The following ANO10 variants were observed in gnomAD, a reference collection of about 807,000 sequenced individuals.
ANO10 encodes the protein anoctamin-10.
In ANO10, 77 loss-of-function variants were observed where a neutral mutation model predicts 74.7. The ratio of observed to expected loss-of-function variants is 1.03; its 90% CI spans 0.86 to 1.25. The LOEUF is 1.25. Ranked by LOEUF, ANO10 falls within the 50% of genes most tolerant of loss-of-function variation. The pLI, the probability that ANO10 is intolerant of heterozygous loss-of-function variation, is 0.00. For synonymous variants in ANO10, 279 were observed against 284.9 expected, an observed-to-expected ratio of 0.98 and a Z score of 0.21; for missense variants, 721 against 778.1, an observed-to-expected ratio of 0.93 and a Z score of 0.87.
chr3:43,576,525 T>G, intron 6 of ANO10, among the ~76,000 whole-genome samples, 167 bp downstream of exon 6: 1 of 152,218 alleles, frequency 6.6e-6, no homozygotes, highest in East Asian at 1.9e-4. Flanking sequence ...AACCATGGCA[T>G]GGAGATCATC....
At chr3:43,388,522 G>A (rs2092190598) in intron 12 of ANO10, among the ~76,000 whole-genome samples, 1 of 152,126 alleles carries the variant, frequency 6.6e-6, no homozygotes, top group Non-Finnish European at 1.5e-5. Flanking sequence ...AAATATAACT[G>A]CAGCTAGTTT....
At chr3:43,647,511 A>T (rs952122895) in intron 1 of ANO10, among the ~76,000 whole-genome samples, 10 of 152,066 alleles carry the variant, frequency 6.6e-5, no homozygotes, top group African/African-American at 2.2e-4. Flanking sequence ...CCTTGGTGAG[A>T]GCAAATTCCT....
rs140076462 is a variant in ANO10, at chr3:43,657,929, T to C, written c.-12+33588A>G. On this transcript the variant is annotated intron_variant, in intron 1 of 3. Coordinates refer to the ANO10 transcript ENST00000413397. ...TCTCAAAAAGTTATATAGCCCTTAA[T>C]TCTTTCTTTTAAGATGTGTATTCCG... 8.7e-3 allele frequency among the ~76,000 whole-genome samples: 1,330 copies of C among 152,340 alleles called. 22 individuals carry two copies. Among genetic ancestry groups the C allele is most frequent in the African/African-American group, 0.03 (1,231 of 41,584 alleles).
At chr3:43,628,836 C>T (rs535619059) in intron 1 of ANO10, among the ~76,000 whole-genome samples, 11 of 152,080 alleles carry the variant, frequency 7.2e-5, no homozygotes, top group Non-Finnish European at 1.2e-4. Context: ...TTGGTCAGAC[C>T]GGTTGCTCTC....
In ANO10 at chr3:43,580,459, G is replaced by A. The variant is rs34829628; in HGVS notation, c.486C>T (p.Leu162=). The A allele has an allele frequency of 4.2e-3, 6,735 of 1,613,744 alleles. 224 individuals are homozygous for A. The African/African-American group carries it at 0.077, about 18-fold the overall frequency. Residue 162 remains leucine (L), a synonymous_variant, in exon 5 of 13, where the codon CTC becomes CTT. Coordinates refer to ENST00000292246, the MANE Select transcript of ANO10 (RefSeq NM_018075.5). ...YPGKSLLRRL[L]TSGIVIQVFP... ...ACACCTGAATCACGATGCCAGACGTGAGCAATCTTCTCACTGCACAGGGAA... is the reference window on the plus strand; with the variant it reads ...ACACCTGAATCACGATGCCAGACGTAAGCAATCTTCTCACTGCACAGGGAA...
At chr3:43,616,355 C>CT (rs1472859546) in intron 1 of ANO10, among the ~76,000 whole-genome samples, 1 of 152,200 alleles carries the variant, frequency 6.6e-6, no homozygotes, top group Non-Finnish European at 1.5e-5. Context: ...AGAAGACAAC[C>CT]TTTTGTTTTT....
chr3:43,433,800 C>G (rs537787156), intron 11 of ANO10, among the ~76,000 whole-genome samples: 1 of 152,184 alleles, frequency 6.6e-6, no homozygotes, highest in South Asian at 2.1e-4. Flanking sequence ...GAATCAACAC[C>G]CACAGAAATC....
rs544238755 is a variant in ANO10 at position 43,606,879 on chromosome 3, C to T, written c.-11-1016G>A. On this transcript the variant is annotated intron_variant, in intron 1 of 12. Transcript: ENST00000292246. ...AACTCTTCTGCTGAAGACAACTAGA[C>T]AATATACACCCACACTCACATACAT... Among the ~76,000 whole-genome samples, 11 of 152,272 alleles carry T rather than the reference C, an allele frequency of 7.2e-5. No homozygotes were observed. The South Asian group carries it at 2.3e-3, about 32-fold the overall frequency.
chr3:43,567,469 A>G lies in ANO10; in HGVS notation c.1219-1742T>C, dbSNP rs1199515939. On this transcript the variant is annotated intron_variant, in intron 7 of 12. Transcript: ENST00000292246. ...TTACCCTTAAAGGGAAGCCCATCAGACTAACAGCAGATCTCTCGGCAGAAA... is the reference window on the plus strand; with the variant it reads ...TTACCCTTAAAGGGAAGCCCATCAGGCTAACAGCAGATCTCTCGGCAGAAA... 3.9e-5 allele frequency among the ~76,000 whole-genome samples: 6 copies of G among 152,374 alleles called. No individual in the cohort carries two copies. The East Asian group carries it at 1.2e-3, about 29-fold the overall frequency.
In ANO10 at chr3:43,366,758, C is replaced by T. The variant is rs1229015040; in HGVS notation, c.*148G>A. The stretch of plus-strand genomic sequence containing the variant: ...AGCCACTGCGAAACTGAGAAGGGTG[C>T]TTGCCACATGGGAGCCACTTCGTTT... On this transcript the variant is annotated 3_prime_UTR_variant, in exon 13 of 13. Transcript: ENST00000292246. 1 of 798,556 alleles carries T rather than the reference C, an allele frequency of 1.3e-6. No homozygotes were observed. Among genetic ancestry groups the T allele is most frequent in the Non-Finnish European group, 2.1e-6 (1 of 474,778 alleles). 49.5% of individuals were successfully genotyped at this position (798,556 alleles called of 1,614,324 possible).
chr3:43,665,802 G>A (rs1321196693), intron 1 of ANO10, among the ~76,000 whole-genome samples: 1 of 152,188 alleles, frequency 6.6e-6, no homozygotes, highest in Non-Finnish European at 1.5e-5. Flanking sequence ...TTATTTGTGA[G>A]TGAAGTTGAA....
intron 4 of ANO10, among the ~76,000 whole-genome samples, chr3:43,581,352 T>C (rs2081254231): frequency 6.6e-6 from 1 of 152,242 alleles, no homozygotes; most frequent in Admixed American, 6.5e-5. Flanking sequence ...TAGTATGGTT[T>C]GAACACTCAT....
At chr3:43,691,034 A>C (rs138695912) in intron 1 of ANO10, 3 of 1,558,040 alleles carry the variant, frequency 1.9e-6, no homozygotes, top group African/African-American at 1.4e-5. Flanking sequence ...CCGACACCGG[A>C]GAGAGGTAAG....
chr3:43,391,595 C>T (rs772252721), intron 12 of ANO10, among the ~76,000 whole-genome samples: 9 of 152,182 alleles, frequency 5.9e-5, no homozygotes, highest in Non-Finnish European at 1.2e-4. Context: ...ACAGTAAAAG[C>T]GACAGGCTCA....
At chr3:43,656,348 A>G (rs1249299879) in intron 1 of ANO10, among the ~76,000 whole-genome samples, 3 of 152,364 alleles carry the variant, frequency 2.0e-5, no homozygotes, top group East Asian at 3.9e-4. Flanking sequence ...CAGACTCAGG[A>G]GCCCAGCTGG....
chr3:43,549,651 A>G, intron 11 of ANO10, 69 bp downstream of exon 11: 1 of 1,572,826 alleles, frequency 6.4e-7, no homozygotes, highest in South Asian at 1.1e-5. Context: ...ACAGCCCGAG[A>G]CAGCACTGCT....
At chr3:43,471,086 A>G (rs533793462) in intron 11 of ANO10, among the ~76,000 whole-genome samples, 31 of 152,268 alleles carry the variant, frequency 2.0e-4, no homozygotes, top group Non-Finnish European at 3.8e-4. Context: ...TTTTCCATTA[A>G]AGTATTTTTA....
chr3:43,505,580 A>C (rs557999632), intron 11 of ANO10, among the ~76,000 whole-genome samples: 120 of 152,334 alleles, frequency 7.9e-4, no homozygotes, highest in African/African-American at 2.7e-3. Flanking sequence ...GGAATGATAT[A>C]ACACATTTTC....
chr3:43,660,034 G>A (rs2083906899), intron 1 of ANO10, among the ~76,000 whole-genome samples: 1 of 152,194 alleles, frequency 6.6e-6, no homozygotes, highest in South Asian at 2.1e-4. Flanking sequence ...CTAACAAACA[G>A]AAAGGAATAG....
Sources: gnomAD v4.1 joint callset for allele counts (sites outside exome capture counted in the v4.1 genomes callset) on GRCh38, gnomAD v4.1.1 for gene constraint, MANE v1.5 for transcripts, NCBI Gene and HGNC (gene_info 2026-07-23, HGNC 2026-07-21) for gene names.